PDE4B: variants seen among roughly 807,000 people sequenced by gnomAD.
The protein encoded by PDE4B is phosphodiesterase 4B.
In PDE4B, 20 loss-of-function variants were observed where a neutral mutation model predicts 82.2. The observed-to-expected ratio is 0.24, with a 90% CI of 0.17 to 0.35. The LOEUF (loss-of-function observed/expected upper bound fraction) is 0.35. PDE4B is among the 10% of genes least tolerant of loss of function. The pLI is 1.00. For synonymous variants in PDE4B, 320 were observed against 318.9 expected (o/e 1.00, Z -0.04); for missense variants, 655 against 907.2 (o/e 0.72, Z 3.57).
intron 3 of PDE4B, among the ~76,000 whole-genome samples, chr1:65,962,421 G>A (rs924314178): frequency 2.0e-5 from 3 of 152,176 alleles, no homozygotes; most frequent in African/African-American, 7.2e-5. Flanking sequence ...TGACCCACAG[G>A]TAGCAGAATC....
rs1349470047 is a variant in PDE4B at position 65,885,860 on chromosome 1, TAATA to T, written c.-70-27383_-70-27380del. Among the ~76,000 whole-genome samples, 818 of 139,198 alleles carry T rather than the reference TAATA, an allele frequency of 5.9e-3. 11 individuals carry two copies. The highest frequency in any genetic ancestry group is 0.023 in the African/African-American group (790 of 35,048). 91.3% of individuals were successfully genotyped at this position (139,198 alleles called of 152,430 possible). A position where few individuals can be genotyped will look rare whatever the true frequency, so the allele number is the denominator to read the frequency against. On this transcript the variant is annotated intron_variant, in intron 1 of 16. Coordinates refer to ENST00000341517, the MANE Select transcript of PDE4B (RefSeq NM_002600.4). ...ATGTACCCTAAAACTTAACGTATAA[TAATA>T]ATAATAATAATAATAATAATAATAA...
rs145839604 is a variant in PDE4B at position 65,917,058 on chromosome 1, C to T, written c.43-1539C>T. On this transcript the variant is annotated intron_variant, in intron 2 of 16. Coordinates refer to ENST00000341517, the MANE Select transcript of PDE4B (RefSeq NM_002600.4). The stretch of plus-strand genomic sequence containing the variant: ...CTGTTCTTGCCTAGATTTCTATCAT[C>T]GAAGTATAGTCTTGCATGCATCAGA... 1.1e-3 allele frequency among the ~76,000 whole-genome samples: 161 copies of T among 152,162 alleles called. 5 individuals carry two copies. In the East Asian group the frequency reaches 0.023, roughly 22 times the overall value.
At chr1:66,302,486 T>A (rs910420092) in intron 7 of PDE4B, among the ~76,000 whole-genome samples, 11 of 152,118 alleles carry the variant, frequency 7.2e-5, no homozygotes, top group African/African-American at 2.7e-4. Flanking sequence ...GCAATTGAGG[T>A]GGAAACAGGG....
intron 7 of PDE4B, among the ~76,000 whole-genome samples, chr1:66,320,366 GC>G (rs1317094258): frequency 6.6e-6 from 1 of 152,152 alleles, no homozygotes; most frequent in Non-Finnish European, 1.5e-5. Flanking sequence ...TTGCAGAAGT[GC>G]TATTGAGAGG....
intron 1 of PDE4B, among the ~76,000 whole-genome samples, chr1:65,799,346 G>T (rs1163262052): frequency 1.3e-5 from 2 of 152,124 alleles, no homozygotes; most frequent in African/African-American, 4.8e-5. Context: ...CTTTGAGAAG[G>T]CTTATTAAAA....
intron 3 of PDE4B, among the ~76,000 whole-genome samples, chr1:66,036,273 TTGTC>T (rs1570047247): frequency 6.6e-6 from 1 of 152,238 alleles, no homozygotes; most frequent in East Asian, 1.9e-4. Context: ...AATCTGTGGG[TTGTC>T]TCTTTACTCC....
At chr1:66,368,246 T>C in intron 15 of PDE4B, 181 bp downstream of exon 15, 1 of 576,362 alleles carries the variant, frequency 1.7e-6, no homozygotes, top group African/African-American at 1.9e-5. Context: ...TTCTAATTTA[T>C]GAGGAAAAAT....
intron 3 of PDE4B, among the ~76,000 whole-genome samples, chr1:65,938,160 A>G (rs948223422): frequency 4.6e-5 from 7 of 152,156 alleles, no homozygotes; most frequent in Admixed American, 3.3e-4. Context: ...TGAGAAGATA[A>G]GAGAACCTGG....
At chr1:65,968,382 G>C (rs1267527543) in intron 3 of PDE4B, among the ~76,000 whole-genome samples, 1 of 152,036 alleles carries the variant, frequency 6.6e-6, no homozygotes, top group Non-Finnish European at 1.5e-5. Flanking sequence ...TGTATGTCAG[G>C]CATTGTGCTA....
chr1:65,873,061 T>C (rs1646592985), intron 1 of PDE4B, among the ~76,000 whole-genome samples: 1 of 152,274 alleles, frequency 6.6e-6, no homozygotes, highest in Admixed American at 6.5e-5. Context: ...AGCCCCTGCT[T>C]TTCCAGAGCT....
intron 3 of PDE4B, among the ~76,000 whole-genome samples, chr1:66,153,133 A>T (rs1362629618): frequency 1.3e-5 from 2 of 152,132 alleles, no homozygotes; most frequent in Non-Finnish European, 2.9e-5. Context: ...ATTTTCCATG[A>T]CTTCTCATGC....
chr1:66,024,446 C>T (rs1653323055), intron 3 of PDE4B, among the ~76,000 whole-genome samples: 1 of 152,100 alleles, frequency 6.6e-6, no homozygotes, highest in Non-Finnish European at 1.5e-5. Flanking sequence ...CCCAAGGAAG[C>T]CATTCTGCTG....
chr1:65,971,241 A>AT (rs1650122353), intron 3 of PDE4B, among the ~76,000 whole-genome samples: 1 of 151,978 alleles, frequency 6.6e-6, no homozygotes, highest in African/African-American at 2.4e-5. Context: ...TAGGTGACTA[A>AT]TTTTTGTACT....
At chr1:65,959,056 T>C (rs1649415517) in intron 3 of PDE4B, among the ~76,000 whole-genome samples, 1 of 152,334 alleles carries the variant, frequency 6.6e-6, no homozygotes, top group South Asian at 2.1e-4. Context: ...GCTGCACTGT[T>C]AATTTCCTGT....
chr1:65,934,617 T>C (rs539549423), intron 3 of PDE4B, among the ~76,000 whole-genome samples: 27 of 152,228 alleles, frequency 1.8e-4, no homozygotes, highest in Non-Finnish European at 3.5e-4. Flanking sequence ...AAAATCAGAG[T>C]AAACTATGTG....
At chr1:65,797,639 G>C (rs992381589) in intron 1 of PDE4B, among the ~76,000 whole-genome samples, 2 of 152,184 alleles carry the variant, frequency 1.3e-5, no homozygotes, top group Admixed American at 6.5e-5. Context: ...CTCTAGGTTA[G>C]AGAAGTGTCT....
chr1:66,035,180 AT>A lies in PDE4B; in HGVS notation c.281+116351del, dbSNP rs573603492. ...TTTAGTTTAATTAAAGACTGGCACCATTTTTTAATTAATTTTTTGACAAATA... is the reference window on the plus strand; with the variant it reads ...TTTAGTTTAATTAAAGACTGGCACCATTTTTAATTAATTTTTTGACAAATA... On this transcript the variant is annotated intron_variant, in intron 3 of 16. Transcript: ENST00000341517. 4.6e-3 allele frequency among the ~76,000 whole-genome samples: 699 copies of A among 152,242 alleles called. 7 individuals are homozygous for A. The highest frequency in any genetic ancestry group is 0.015 in the African/African-American group (640 of 41,542).
chr1:65,847,679 C>T (rs1646282622), intron 1 of PDE4B, among the ~76,000 whole-genome samples: 1 of 152,164 alleles, frequency 6.6e-6, no homozygotes, highest in South Asian at 2.1e-4. Context: ...CATTGTCACT[C>T]CTACCTTCAT....
intron 1 of PDE4B, among the ~76,000 whole-genome samples, chr1:65,799,978 G>A (rs1204682329): frequency 6.6e-6 from 1 of 152,066 alleles, no homozygotes; most frequent in East Asian, 1.9e-4. Context: ...TTCTTTTTCT[G>A]ATAAGATTGC....
Sources: gnomAD v4.1 joint callset for allele counts (sites outside exome capture counted in the v4.1 genomes callset) on GRCh38, gnomAD v4.1.1 for gene constraint, MANE v1.5 for transcripts, NCBI Gene and HGNC (gene_info 2026-07-23, HGNC 2026-07-21) for gene names.